The following LURAP1L variants were observed in gnomAD, a reference collection of about 807,000 sequenced individuals.
LURAP1L encodes the protein leucine rich adaptor protein 1-like.
In LURAP1L, 12 loss-of-function variants were observed where a neutral mutation model predicts 13.8. The observed-to-expected ratio is 0.87, with a 90% CI of 0.56 to 1.41. The LOEUF (loss-of-function observed/expected upper bound fraction) is 1.41, where lower values mean the gene tolerates loss of function less well. LURAP1L is among the 40% of genes most tolerant of loss of function. The pLI is 0.00. For missense variants in LURAP1L, 375 were observed against 292.9 expected, an observed-to-expected ratio of 1.28 and a Z score of -2.04; for synonymous variants, 139 against 119.2, an observed-to-expected ratio of 1.17 and a Z score of -1.08.
intron 1 of LURAP1L, among the ~76,000 whole-genome samples, chr9:12,797,937 T>C (rs1172079593): frequency 1.3e-5 from 2 of 152,176 alleles, no homozygotes; most frequent in Non-Finnish European, 1.5e-5. Context: ...ATTATATTTA[T>C]GGAACCAACT....
Position 12,775,351 on chromosome 9 carries a change from CAG to C in LURAP1L, c.-363_-362del, listed in dbSNP as rs1819152308. The C allele has an allele frequency of 4.6e-6, 1 of 215,288 alleles. No individual in the cohort carries two copies. Among genetic ancestry groups the C allele is most frequent in the Non-Finnish European group, 9.0e-6 (1 of 111,350 alleles). 13.3% of individuals were successfully genotyped at this position (215,288 alleles called of 1,614,324 possible). A position where few individuals can be genotyped will look rare whatever the true frequency, so the allele number is the denominator to read the frequency against. ...AAATTTTCCCTTGGTAAAGCTAAAA[CAG>C]ATTTAATTTCCCTCTCTTTTCTTTC... On this transcript the variant is annotated 5_prime_UTR_variant, in exon 1 of 2. Coordinates refer to ENST00000319264, the MANE Select transcript of LURAP1L (RefSeq NM_203403.2).
chr9:12,790,150 CAA>C (rs1819420449), intron 1 of LURAP1L, among the ~76,000 whole-genome samples: 2 of 151,988 alleles, frequency 1.3e-5, no homozygotes, highest in Non-Finnish European at 2.9e-5. Context: ...TAAAGATTTC[CAA>C]AGAGTGAAAG....
At chr9:12,792,103 GT>G (rs1403223232) in intron 1 of LURAP1L, among the ~76,000 whole-genome samples, 1 of 152,082 alleles carries the variant, frequency 6.6e-6, no homozygotes, top group Non-Finnish European at 1.5e-5. Context: ...CAGAAATTCA[GT>G]TCTCACAAAT....
chr9:12,785,939 T>C (rs1005414832), intron 1 of LURAP1L, among the ~76,000 whole-genome samples: 14 of 152,212 alleles, frequency 9.2e-5, no homozygotes, highest in Non-Finnish European at 1.8e-4. Context: ...TATTCAGCCG[T>C]CTTGCTCCAC....
At chr9:12,786,935 G>T (rs892771163) in intron 1 of LURAP1L, among the ~76,000 whole-genome samples, 2 of 151,820 alleles carry the variant, frequency 1.3e-5, no homozygotes, top group Admixed American at 1.3e-4. Context: ...ATTTCATTTG[G>T]CAGTTTCAGA....
intron 1 of LURAP1L, among the ~76,000 whole-genome samples, chr9:12,786,568 ATATATATATAT>A (rs1563888380): frequency 8.0e-5 from 10 of 124,398 alleles, no homozygotes; most frequent in East Asian, 7.3e-4. Context: ...ATATATATAT[ATATATATATAT>A]ATAAACCCTT....
At position 12,818,349 on chromosome 9, in the gene LURAP1L, G is replaced by A. The variant is rs140602897; in HGVS notation, c.313-3037G>A. On this transcript the variant is annotated intron_variant, in intron 1 of 1. Coordinates refer to ENST00000319264, the MANE Select transcript of LURAP1L (RefSeq NM_203403.2). The stretch of plus-strand genomic sequence containing the variant: ...CCCTGGTGGCATAGTTGTTAGGAAC[G>A]TGTATTACTACTGTCTTAAGAGCTA... 3.4e-3 allele frequency among the ~76,000 whole-genome samples: 525 copies of A among 152,242 alleles called. 2 individuals carry two copies. The highest frequency in any genetic ancestry group is 0.012 in the African/African-American group (491 of 41,556).
chr9:12,777,100 G>A (rs1405712858), intron 1 of LURAP1L: 1 of 354,478 alleles, frequency 2.8e-6, no homozygotes, highest in Non-Finnish European at 3.9e-6. Context: ...AGTAGGCTAG[G>A]AGATTTCTAT....
Position 12,822,436 on chromosome 9 carries a change from T to C in LURAP1L, c.*676T>C, listed in dbSNP as rs923098706. ...TCATATGTTTATTTGTGTAATAAAA[T>C]GTATTATTCTCCCAAATTTCAAGGA... On this transcript the variant is annotated 3_prime_UTR_variant, in exon 2 of 2. Transcript: ENST00000319264. 2.0e-5 allele frequency among the ~76,000 whole-genome samples: 3 copies of C among 152,216 alleles called. No individual in the cohort carries two copies.
intron 1 of LURAP1L, chr9:12,814,355 T>C (rs1318962861): frequency 6.6e-6 from 1 of 152,232 alleles, no homozygotes; most frequent in Non-Finnish European, 1.5e-5. Context: ...CTGCTGTGAA[T>C]ATGGGGAGTC....
chr9:12,807,852 A>G lies in LURAP1L; in HGVS notation c.313-13534A>G, dbSNP rs146524133. Among the ~76,000 whole-genome samples the G allele has an allele frequency of 2.2e-3, 327 of 151,692 alleles. 5 individuals are homozygous for G. Among genetic ancestry groups the G allele is most frequent in the African/African-American group, 7.8e-3 (322 of 41,312 alleles). ...TGATTCTACTTTTTCTTCTCTTGGC[A>G]TATTAATTATACTTCTTTTTTAAGT... On this transcript the variant is annotated intron_variant, in intron 1 of 1. Transcript: ENST00000319264.
At chr9:12,788,206 G>GAA (rs1415439264) in intron 1 of LURAP1L, among the ~76,000 whole-genome samples, 15 of 118,472 alleles carry the variant, frequency 1.3e-4, no homozygotes, top group Non-Finnish European at 2.5e-4. Context: ...GAAAAGAAAA[G>GAA]AAAAGCTCAA....
chr9:12,787,918 C>G (rs934273387), intron 1 of LURAP1L, among the ~76,000 whole-genome samples: 9 of 151,934 alleles, frequency 5.9e-5, no homozygotes, highest in African/African-American at 1.9e-4. Flanking sequence ...TCAAGACCAA[C>G]CTGGCCAACA....
At chr9:12,791,647 T>G (rs1819442174) in intron 1 of LURAP1L, among the ~76,000 whole-genome samples, 1 of 148,602 alleles carries the variant, frequency 6.7e-6, no homozygotes, top group African/African-American at 2.5e-5. Context: ...CCCGCCCTCC[T>G]CTCTCTCTCC....
Position 12,775,345 on chromosome 9 carries a change from C to A in LURAP1L, c.-371C>A. On this transcript the variant is annotated 5_prime_UTR_variant, in exon 1 of 2. Transcript: ENST00000319264. ...ATGTGAAAATTTTCCCTTGGTAAAG[C>A]TAAAACAGATTTAATTTCCCTCTCT... is the stretch of plus-strand genomic sequence containing the variant. The A allele has an allele frequency of 4.8e-6, 1 of 207,776 alleles. No individual in the cohort carries two copies. Among genetic ancestry groups the A allele is most frequent in the Non-Finnish European group, 9.4e-6 (1 of 106,318 alleles). The allele number at this position is 207,776 out of a possible 1,614,324, so 12.9% of individuals were successfully genotyped here. A position where few individuals can be genotyped will look rare whatever the true frequency, so the allele number is the denominator to read the frequency against.
chr9:12,800,359 A>C (rs2118511152), intron 1 of LURAP1L, among the ~76,000 whole-genome samples: 1 of 152,306 alleles, frequency 6.6e-6, no homozygotes, highest in Admixed American at 6.5e-5. Flanking sequence ...AACATATCCA[A>C]CTGACAAAAA....
At chr9:12,801,759 G>T (rs1819588943) in intron 1 of LURAP1L, among the ~76,000 whole-genome samples, 1 of 152,164 alleles carries the variant, frequency 6.6e-6, no homozygotes, top group South Asian at 2.1e-4. Context: ...TCCAAAAAGG[G>T]AGAATAACTC....
chr9:12,820,279 C>T (rs1344531032), intron 1 of LURAP1L, among the ~76,000 whole-genome samples: 1 of 151,870 alleles, frequency 6.6e-6, no homozygotes, highest in Non-Finnish European at 1.5e-5. Flanking sequence ...CCGAGGCGGG[C>T]GGATCACGCG....
intron 1 of LURAP1L, among the ~76,000 whole-genome samples, chr9:12,796,912 G>A (rs1478315771): frequency 6.6e-6 from 1 of 150,916 alleles, no homozygotes; most frequent in Non-Finnish European, 1.5e-5. Context: ...TACCATTTAA[G>A]GTTTGAGTAA....
Sources: allele counts gnomAD v4.1 joint callset (sites outside exome capture counted in the v4.1 genomes callset), GRCh38; gene constraint gnomAD v4.1.1; transcripts MANE v1.5; gene names NCBI Gene and HGNC (gene_info 2026-07-23, HGNC 2026-07-21).